The following APBB2 variants were observed in gnomAD, a reference collection of about 807,000 sequenced individuals.
APBB2 encodes Fe65-like 1.
Under a neutral mutation model 82.5 loss-of-function variants are expected in APBB2, and 38 were observed. The observed-to-expected ratio is 0.46, with a 90% confidence interval of 0.36 to 0.60. APBB2 has a LOEUF of 0.60. Among genes scored for constraint, APBB2 ranks in the 20% least tolerant of loss-of-function variants. APBB2 has a pLI of 0.00. For synonymous variants in APBB2, 341 were observed against 368.2 expected (o/e 0.93, Z 0.85); for missense variants, 772 against 972.3 (o/e 0.79, Z 2.74).
At chr4:40,979,592 A>C (rs1797995134) in intron 6 of APBB2, among the ~76,000 whole-genome samples, 1 of 152,254 alleles carries the variant, frequency 6.6e-6, no homozygotes, top group Non-Finnish European at 1.5e-5. Context: ...CTAAGAGAGA[A>C]GCAGCAGCAG....
rs367839797 is a variant in APBB2, at chr4:41,025,574, A to G, written c.19+7662T>C. 4.1e-4 allele frequency among the ~76,000 whole-genome samples: 63 copies of G among 152,274 alleles called. No homozygotes were observed. The East Asian group carries it at 0.011, about 27-fold the overall frequency. On this transcript the variant is annotated intron_variant, in intron 5 of 17. Transcript: ENST00000508593. The stretch of plus-strand genomic sequence containing the variant: ...GAATGTTCACTGCAGCGCTATTCAC[A>G]ACAGCAAAGACATGGAATCAACCTA...
At chr4:41,023,346 C>T (rs890533892) in intron 5 of APBB2, among the ~76,000 whole-genome samples, 17 of 152,138 alleles carry the variant, frequency 1.1e-4, no homozygotes, top group African/African-American at 3.6e-4. Context: ...AAATTGCAAA[C>T]GCCTTGAGGA....
intron 4 of APBB2, among the ~76,000 whole-genome samples, chr4:41,045,700 TG>T (rs1165528322): frequency 1.3e-5 from 2 of 152,250 alleles, no homozygotes; most frequent in African/African-American, 4.8e-5. Flanking sequence ...ACTTTGTTAA[TG>T]TTCTGTACTT....
chr4:41,145,040 A>G (rs1760321852), intron 1 of APBB2, among the ~76,000 whole-genome samples: 1 of 152,230 alleles, frequency 6.6e-6, no homozygotes, highest in South Asian at 2.1e-4. Flanking sequence ...AGGTCACTAC[A>G]GCCTGGGAAG....
intron 8 of APBB2, 183 bp from the exon 9 acceptor site, chr4:40,934,882 C>T (rs1490794989): frequency 1.9e-5 from 13 of 677,058 alleles, no homozygotes; most frequent in Admixed American, 2.9e-5. Flanking sequence ...TACAAAACAA[C>T]GGGGAACCTA....
intron 6 of APBB2, among the ~76,000 whole-genome samples, chr4:41,002,165 A>C (rs1300164379): frequency 4.6e-5 from 7 of 152,230 alleles, no homozygotes; most frequent in Non-Finnish European, 1.0e-4. Flanking sequence ...AACTACCCCC[A>C]CATTTATGAA....
intron 2 of APBB2, among the ~76,000 whole-genome samples, chr4:41,109,717 G>A (rs572721473): frequency 1.5e-3 from 227 of 152,200 alleles, no homozygotes; most frequent in African/African-American, 5.1e-3. Flanking sequence ...TGATCTGCCC[G>A]CCTCGGCCTC....
chr4:41,023,322 C>T (rs1712524673), intron 5 of APBB2, among the ~76,000 whole-genome samples: 1 of 152,172 alleles, frequency 6.6e-6, no homozygotes, highest in African/African-American at 2.4e-5. Flanking sequence ...GATCCTATGT[C>T]TATGTCTTCT....
At chr4:40,952,620 CT>C (rs1437805949) in intron 6 of APBB2, among the ~76,000 whole-genome samples, 2 of 152,208 alleles carry the variant, frequency 1.3e-5, no homozygotes, top group Non-Finnish European at 2.9e-5. Context: ...GAGCTTCCCC[CT>C]GACTGGGTGT....
intron 12 of APBB2, among the ~76,000 whole-genome samples, chr4:40,877,379 A>C (rs1163489025): frequency 6.6e-6 from 1 of 152,114 alleles, no homozygotes; most frequent in Non-Finnish European, 1.5e-5. Flanking sequence ...AATTCTTTGG[A>C]GCTCAGATGC....
rs569722866 is a variant in APBB2, at chr4:40,910,722, G to A, written c.1255-17311C>T. On this transcript the variant is annotated intron_variant, in intron 10 of 17. Transcript: ENST00000508593. ...AAATACTTGTCAGATGAAGACACTCGAGCTTGAGACAGACTGAAATATCAT... is the reference window on the plus strand; with the variant it reads ...AAATACTTGTCAGATGAAGACACTCAAGCTTGAGACAGACTGAAATATCAT... 1.2e-3 allele frequency among the ~76,000 whole-genome samples: 189 copies of A among 152,342 alleles called. 1 individual carries two copies. Among genetic ancestry groups the A allele is most frequent in the African/African-American group, 4.4e-3 (183 of 41,568 alleles).
chr4:41,066,172 T>C (rs16852769), intron 3 of APBB2, among the ~76,000 whole-genome samples: 7,866 of 111,344 alleles, frequency 0.071, 230 homozygotes, highest in Middle Eastern at 0.14. Context: ...ATATAACATA[T>C]AGAAAATGCA....
chr4:41,073,685 T>TG (rs34366708), intron 3 of APBB2, among the ~76,000 whole-genome samples: 6 of 152,162 alleles, frequency 3.9e-5, no homozygotes, highest in Non-Finnish European at 8.8e-5. Context: ...AATGGTCTCT[T>TG]GGAAGTTAAA....
chr4:41,195,750 C>T, intron 1 of APBB2, among the ~76,000 whole-genome samples: 1 of 147,576 alleles, frequency 6.8e-6, no homozygotes, highest in African/African-American at 2.6e-5. Flanking sequence ...TCCTCCTCCC[C>T]TCACTGATCC....
intron 7 of APBB2, among the ~76,000 whole-genome samples, chr4:40,941,937 A>G: frequency 6.6e-6 from 1 of 152,072 alleles, no homozygotes; most frequent in East Asian, 1.9e-4. Context: ...GCACCTGACC[A>G]CATAAGGGTT....
At chr4:41,191,514 T>C (rs1015690566) in intron 1 of APBB2, among the ~76,000 whole-genome samples, 9 of 152,128 alleles carry the variant, frequency 5.9e-5, no homozygotes, top group African/African-American at 1.9e-4. Flanking sequence ...GAAGACACAA[T>C]GGGGAAAGGA....
intron 2 of APBB2, among the ~76,000 whole-genome samples, chr4:41,134,171 T>C (rs1213965376): frequency 6.6e-6 from 1 of 152,028 alleles, no homozygotes; most frequent in African/African-American, 2.4e-5. Context: ...TTTGTAGAGA[T>C]AGGTTGTCCT....
intron 1 of APBB2, among the ~76,000 whole-genome samples, chr4:41,145,014 G>A (rs1380364194): frequency 1.3e-5 from 2 of 152,224 alleles, no homozygotes; most frequent in Non-Finnish European, 2.9e-5. Flanking sequence ...CAGCTATTTA[G>A]GAGGCTGAGG....
At chr4:40,901,777 A>C (rs938568055) in intron 10 of APBB2, among the ~76,000 whole-genome samples, 9 of 152,036 alleles carry the variant, frequency 5.9e-5, no homozygotes, top group African/African-American at 2.2e-4. Context: ...AGCCTCCCAA[A>C]GTGCTGGGAT....
Sources: gnomAD v4.1 joint callset for allele counts (sites outside exome capture counted in the v4.1 genomes callset) on GRCh38, gnomAD v4.1.1 for gene constraint, MANE v1.5 for transcripts, NCBI Gene and HGNC (gene_info 2026-07-23, HGNC 2026-07-21) for gene names.